Variants in OR8G5 observed in about 807,000 individuals in gnomAD.
The protein encoded by OR8G5 is olfactory receptor 8G5.
For missense variants in OR8G5, 347 were observed against 371.9 expected (o/e 0.93, Z 0.55); for synonymous variants, 147 against 147.7 (o/e 1.00, Z 0.03).
intron 1 of OR8G5, among the ~76,000 whole-genome samples, chr11:124,263,849 A>T (rs1311136769): frequency 6.6e-6 from 1 of 152,118 alleles, no homozygotes; most frequent in African/African-American, 2.4e-5. Flanking sequence ...ATTCATTTGA[A>T]ATGTAACTTT....
intron 1 of OR8G5, among the ~76,000 whole-genome samples, chr11:124,262,798 ATCTT>A (rs1338001578): frequency 6.6e-6 from 1 of 151,640 alleles, no homozygotes; most frequent in Admixed American, 6.6e-5. Flanking sequence ...TTTTGTACAT[ATCTT>A]TATGTAGACA....
At chr11:124,259,805 C>T (rs1020084867) in intron 1 of OR8G5, among the ~76,000 whole-genome samples, 1 of 152,042 alleles carries the variant, frequency 6.6e-6, no homozygotes, top group Non-Finnish European at 1.5e-5. Context: ...TCTTATCCAG[C>T]ATATATTCTG....
chr11:124,257,946 A>G (rs1351837157), intron 1 of OR8G5, among the ~76,000 whole-genome samples: 1 of 152,054 alleles, frequency 6.6e-6, no homozygotes, highest in African/African-American at 2.4e-5. Context: ...TCTGCACCCC[A>G]ACATCACCTC....
In OR8G5 at chr11:124,265,838, A is replaced by G. The variant is rs747208467; in HGVS notation, c.907A>G (p.Lys303Glu). The stretch of plus-strand genomic sequence containing the variant: ...TAAAGATGTCCACGTTGCCCTGAAG[A>G]AAACGCTAGGGAAAAGAACATTCTT... ...RNKDVHVALK[K>E]TLGKRTFL The change falls in exon 2 of 2, where the codon AAA (lysine) becomes GAA (glutamate). Residue 303 changes from lysine (K) to glutamate (E), a missense_variant. Coordinates refer to ENST00000641992, the MANE Select transcript of OR8G5 (RefSeq NM_001005198.2). 1 of 1,613,338 alleles carries G rather than the reference A, an allele frequency of 6.2e-7. No individual in the cohort carries two copies. Among genetic ancestry groups the G allele is most frequent in the Non-Finnish European group, 8.5e-7 (1 of 1,179,568 alleles).
At chr11:124,261,873 C>G (rs1280650147) in intron 1 of OR8G5, among the ~76,000 whole-genome samples, 9 of 151,822 alleles carry the variant, frequency 5.9e-5, no homozygotes, top group Non-Finnish European at 1.3e-4. Context: ...TTTTAAAAAG[C>G]CTGACTTCTG....
intron 1 of OR8G5, among the ~76,000 whole-genome samples, chr11:124,258,497 G>A (rs931015838): frequency 6.6e-6 from 1 of 151,988 alleles, no homozygotes; most frequent in African/African-American, 2.4e-5. Flanking sequence ...GGTGAAGGTT[G>A]CAGTGAGCCG....
intron 1 of OR8G5, among the ~76,000 whole-genome samples, chr11:124,258,441 T>C (rs2466677): frequency 0.89 from 135,148 of 151,836 alleles, 60,186 homozygotes; most frequent in African/African-American, 0.92. Flanking sequence ...GCCTATAATC[T>C]CAGCTACTCA....
chr11:124,259,030 T>C (rs10502285), intron 1 of OR8G5, among the ~76,000 whole-genome samples: 2,654 of 152,308 alleles, frequency 0.017, 46 homozygotes, highest in Admixed American at 0.041. Context: ...AGATATCTTA[T>C]ATGGGAAGAA....
At position 124,265,063 on chromosome 11, in the gene OR8G5, C is replaced by G. The variant is rs1401543988; in HGVS notation, c.132C>G (p.Gly44=). Residue 44 remains glycine, a synonymous_variant, in exon 2 of 2, where the codon GGC becomes GGG. Coordinates refer to ENST00000641992, the MANE Select transcript of OR8G5 (RefSeq NM_001005198.2). ...IYVVTVLGNL[G]MITLIGLSSH... ...TAGTCACAGTGCTGGGGAACCTGGG[C>G]ATGATCACACTGATTGGGCTCAGTT... The G allele has an allele frequency of 3.1e-6, 5 of 1,614,008 alleles. No individual in the cohort carries two copies. The highest frequency in any genetic ancestry group is 2.7e-5 in the African/African-American group (2 of 74,906).
chr11:124,259,884 T>C (rs187145090), intron 1 of OR8G5, among the ~76,000 whole-genome samples: 1 of 152,208 alleles, frequency 6.6e-6, no homozygotes, highest in East Asian at 1.9e-4. Context: ...CACCAAGCAA[T>C]TGAAATATTA....
intron 1 of OR8G5, among the ~76,000 whole-genome samples, chr11:124,258,889 C>T (rs1487452443): frequency 6.6e-6 from 1 of 152,100 alleles, no homozygotes; most frequent in Admixed American, 6.6e-5. Context: ...TATGGCTCAT[C>T]ATACTCTAGA....
rs557765369 is a variant in OR8G5, at chr11:124,265,733, A to C, written c.802A>C (p.Met268Leu). The C allele has an allele frequency of 2.1e-5, 34 of 1,614,116 alleles. No individual in the cohort carries two copies. In the African/African-American group the frequency reaches 4.5e-4, roughly 22 times the overall value. ...CCTGCAGCCATCATCTGTCAGCTCC[A>C]TGGACCAGGGGAAAGTGTCCTCTGT... ...MYLQPSSVSS[M>L]DQGKVSSVFY... is the part of the protein sequence containing the mutation. The change falls in exon 2 of 2, where the codon ATG becomes CTG. Residue 268 changes from methionine (M) to leucine (L), a missense_variant. By Grantham distance (15) the Met-to-Leu change is conservative. Transcript: ENST00000641992.
At chr11:124,259,665 A>T (rs1056569309) in intron 1 of OR8G5, among the ~76,000 whole-genome samples, 1 of 152,026 alleles carries the variant, frequency 6.6e-6, no homozygotes, top group African/African-American at 2.4e-5. Flanking sequence ...TTTTTTGTAA[A>T]CACTTCAATC....
At chr11:124,259,152 C>T (rs1293417862) in intron 1 of OR8G5, among the ~76,000 whole-genome samples, 4 of 128,842 alleles carry the variant, frequency 3.1e-5, no homozygotes, top group African/African-American at 1.1e-4. Context: ...TTAGAAGTGT[C>T]ATTTGTGTGT....
In OR8G5 at chr11:124,260,100, T is replaced by C. The variant is rs1040326525; in HGVS notation, c.-15+3466T>C. ...TATTGCACTGAGATGATATTTTCCA[T>C]AAATCCTCAGACATAAACAGCAGTA... is the stretch of plus-strand genomic sequence containing the variant. On this transcript the variant is annotated intron_variant, in intron 1 of 1. Coordinates refer to ENST00000641992, the MANE Select transcript of OR8G5 (RefSeq NM_001005198.2). 2.0e-5 allele frequency among the ~76,000 whole-genome samples: 3 copies of C among 152,078 alleles called. No individual in the cohort carries two copies. The South Asian group carries it at 6.2e-4, about 32-fold the overall frequency.
Position 124,265,877 on chromosome 11 carries a change from C to A in OR8G5, c.*10C>A. 3 of 1,588,968 alleles carry A rather than the reference C, an allele frequency of 1.9e-6. No individual in the cohort carries two copies. In the South Asian group the frequency reaches 3.4e-5, roughly 18 times the overall value. ...AAGAACATTCTTATGAACAGAAGTA[C>A]AATGAAAAAGATTGCATTAGATCTA... On this transcript the variant is annotated 3_prime_UTR_variant, in exon 2 of 2. Coordinates refer to ENST00000641992, the MANE Select transcript of OR8G5 (RefSeq NM_001005198.2).
At chr11:124,262,110 C>T (rs970665684) in intron 1 of OR8G5, among the ~76,000 whole-genome samples, 1 of 150,810 alleles carries the variant, frequency 6.6e-6, no homozygotes, top group Non-Finnish European at 1.5e-5. Flanking sequence ...AGGAAAAGGA[C>T]AGGAAATCAT....
Position 124,264,832 on chromosome 11 carries a change from CATAT to C in OR8G5, c.-14-82_-14-79del, listed in dbSNP as rs779709097. ...GTTAATTGAACCGGAGTTAAATGATCATATATAAACAAGGGATCACTTTCCTACA... is the reference window on the plus strand; with the variant it reads ...GTTAATTGAACCGGAGTTAAATGATCATAAACAAGGGATCACTTTCCTACA... On this transcript the variant is annotated intron_variant, in intron 1 of 1. Coordinates refer to ENST00000641992, the MANE Select transcript of OR8G5 (RefSeq NM_001005198.2). The C allele has an allele frequency of 5.7e-5, 88 of 1,538,292 alleles. 1 individual carries two copies. In the South Asian group the frequency reaches 9.6e-4, roughly 17 times the overall value.
rs62622835 is a variant in OR8G5 at position 124,265,244 on chromosome 11, C to T, written c.313C>T (p.Leu105Phe). The T allele has an allele frequency of 0.013, 21,267 of 1,613,886 alleles. 234 individuals carry two copies. Among genetic ancestry groups the T allele is most frequent in the South Asian group, 0.019 (1,720 of 91,084 alleles). ...ATGCATGACTCAGCTCTACTTCTTCCTCGTTTTTGCTATTGCAGAGTGTCA... is the reference window on the plus strand; with the variant it reads ...ATGCATGACTCAGCTCTACTTCTTCTTCGTTTTTGCTATTGCAGAGTGTCA... ...PECMTQLYFF[L>F]VFAIAECHML... The change falls in exon 2 of 2, where the codon CTC (leucine) becomes TTC (phenylalanine). Residue 105 changes from leucine (L) to phenylalanine (F), a missense_variant. By Grantham distance (22) the Leu-to-Phe change is conservative. Transcript: ENST00000641992.
Sources: allele counts gnomAD v4.1 joint callset (sites outside exome capture counted in the v4.1 genomes callset), GRCh38; gene constraint gnomAD v4.1.1; transcripts MANE v1.5; gene names NCBI Gene and HGNC (gene_info 2026-07-23, HGNC 2026-07-21).